Variants in TBKBP1 observed in about 807,000 individuals in gnomAD.
TBKBP1 encodes TANK-binding kinase 1-binding protein 1.
TBKBP1 carries 47 observed loss-of-function variants against 69.9 expected under a neutral mutation model. The ratio of observed to expected loss-of-function variants is 0.67; its 90% CI spans 0.53 to 0.86. The LOEUF (loss-of-function observed/expected upper bound fraction) is 0.86, where lower values mean the gene tolerates loss of function less well. Ranked by LOEUF, TBKBP1 falls within the 40% of genes least tolerant of loss-of-function variation. The pLI is 0.00. For synonymous variants in TBKBP1, 418 were observed against 390.3 expected, an observed-to-expected ratio of 1.07 and a Z score of -0.84; for missense variants, 831 against 858.6, an observed-to-expected ratio of 0.97 and a Z score of 0.40.
chr17:47,700,870 C>T (rs936739890), intron 7 of TBKBP1, among the ~76,000 whole-genome samples: 2 of 152,132 alleles, frequency 1.3e-5, no homozygotes, highest in Admixed American at 6.5e-5. Flanking sequence ...AGCAGCCACC[C>T]GGCAACAGTG....
At chr17:47,707,614 A>G (rs559347109) in intron 7 of TBKBP1, among the ~76,000 whole-genome samples, 1 of 152,330 alleles carries the variant, frequency 6.6e-6, no homozygotes, top group South Asian at 2.1e-4. Flanking sequence ...TGTGACTGGC[A>G]CTCACTGCAA....
chr17:47,696,899 C>A, intron 3 of TBKBP1, 66 bp downstream of exon 3: 1 of 1,588,276 alleles, frequency 6.3e-7, no homozygotes. Context: ...ATACCCTTCC[C>A]TCCACACCCC....
chr17:47,701,890 C>T (rs1466356724), intron 7 of TBKBP1, among the ~76,000 whole-genome samples: 1 of 152,214 alleles, frequency 6.6e-6, no homozygotes, highest in Non-Finnish European at 1.5e-5. Context: ...CACAGGCTTA[C>T]TGGAGGCCAC....
chr17:47,699,677 G>C lies in TBKBP1; in HGVS notation c.852G>C (p.Val284=). 6.2e-7 allele frequency: 1 copy of C among 1,614,020 alleles called. No individual in the cohort carries two copies. Among genetic ancestry groups the C allele is most frequent in the Non-Finnish European group, 8.5e-7 (1 of 1,179,884 alleles). ...SNQSERDMAW[V]KRVGDDQVNL... ...AGTCGGAGCGAGACATGGCGTGGGT[G>C]AAAAGAGTTGGGGATGATCAGTAAG... The change falls in exon 7 of 10, where the codon GTG becomes GTC. Residue 284 remains valine (V), a synonymous_variant. Transcript: ENST00000578982.
intron 7 of TBKBP1, 111 bp downstream of exon 7, chr17:47,699,808 G>T: frequency 3.3e-6 from 4 of 1,218,038 alleles, no homozygotes; most frequent in South Asian, 1.3e-5. Context: ...ATCCTTCATA[G>T]GAAGGAGGTG....
At chr17:47,695,080 G>A (rs917276097) in intron 1 of TBKBP1, among the ~76,000 whole-genome samples, 6 of 152,112 alleles carry the variant, frequency 3.9e-5, no homozygotes, top group Non-Finnish European at 5.9e-5. Flanking sequence ...CACGCGGCCC[G>A]GACGTGCCAC....
At position 47,708,642 on chromosome 17, in the gene TBKBP1, T is replaced by C. The variant is rs2031784109; in HGVS notation, c.992-83T>C. 1 of 1,419,472 alleles carries C rather than the reference T, an allele frequency of 7.0e-7. No homozygotes were observed. The highest frequency in any genetic ancestry group is 2.5e-5 in the East Asian group (1 of 40,188). 87.9% of individuals were successfully genotyped at this position (1,419,472 alleles called of 1,614,324 possible). ...GTGGCCTGGAGTTGGTGGGCATGGG[T>C]CCGGGCAAGCCCCTGGCGCTCCAGT... On this transcript the variant is annotated intron_variant, in intron 8 of 9. Coordinates refer to ENST00000578982, the MANE Select transcript of TBKBP1 (RefSeq NM_001394755.1). This position sits in a 1 kb window ranked among gnomAD's most constrained non-coding sequence, Gnocchi z 4.4.
rs886130225 is a variant in TBKBP1 at position 47,711,696 on chromosome 17, C to T, written c.*1070C>T. 2 of 152,616 alleles carry T rather than the reference C, an allele frequency of 1.3e-5. No homozygotes were observed. Among genetic ancestry groups the T allele is most frequent in the African/African-American group, 4.8e-5 (2 of 41,440 alleles). 9.5% of individuals were successfully genotyped at this position (152,616 alleles called of 1,614,324 possible). ...CGGGTAAGCAGGAGGCCAGGGGGTC[C>T]CCAGGGCTGAGGTGGGGAGCCTTCT... On this transcript the variant is annotated 3_prime_UTR_variant, in exon 10 of 10. Transcript: ENST00000578982.
At position 47,699,457 on chromosome 17, in the gene TBKBP1, C is replaced by CAGCG; in HGVS notation, c.774_775insCGAG (p.Gly259ArgfsTer33). The CAGCG allele has an allele frequency of 1.3e-6, 2 of 1,572,396 alleles. No individual in the cohort carries two copies. The highest frequency in any genetic ancestry group is 1.7e-6 in the Non-Finnish European group (2 of 1,160,234). On this transcript the variant is annotated frameshift_variant, in exon 6 of 10. Coordinates refer to ENST00000578982, the MANE Select transcript of TBKBP1 (RefSeq NM_001394755.1). LOFTEE classifies it high-confidence loss of function. ...GCTCCAGGCCGAGTGCGAGCGGCTG[C>CAGCG]AGGGGGAGCTGAAGCAGCTGCAGGA...
chr17:47,699,169 T>A, intron 5 of TBKBP1, 151 bp from the exon 6 acceptor site: 1 of 845,738 alleles, frequency 1.2e-6, no homozygotes, highest in South Asian at 3.2e-5. Flanking sequence ...AGCCCATCTT[T>A]CCTCGCTGCC....
intron 5 of TBKBP1, 140 bp from the exon 6 acceptor site, chr17:47,699,180 C>A: frequency 1.1e-6 from 1 of 943,328 alleles, no homozygotes; most frequent in Non-Finnish European, 1.4e-6. Flanking sequence ...CCTCGCTGCC[C>A]TTGTCGCAGT....
chr17:47,698,195 G>T (rs930106656), intron 4 of TBKBP1, among the ~76,000 whole-genome samples: 9 of 152,154 alleles, frequency 5.9e-5, no homozygotes, highest in Admixed American at 5.9e-4. Context: ...GCATACACTA[G>T]CTCATTTTAA....
At position 47,698,871 on chromosome 17, in the gene TBKBP1, A is replaced by G; in HGVS notation, c.634+96A>G. ...ACTTACTTACCATCCCATTTGTAAT[A>G]TAATCTATTTCTCCATAATCATCCC... is the stretch of plus-strand genomic sequence containing the variant. On this transcript the variant is annotated intron_variant, in intron 5 of 9. Transcript: ENST00000578982. 2.5e-6 allele frequency: 3 copies of G among 1,184,330 alleles called. No homozygotes were observed. The South Asian group carries it at 4.9e-5, about 19-fold the overall frequency. 73.4% of individuals were successfully genotyped at this position (1,184,330 alleles called of 1,614,324 possible).
intron 7 of TBKBP1, among the ~76,000 whole-genome samples, chr17:47,706,207 A>T (rs1316808316): frequency 6.6e-6 from 1 of 151,938 alleles, no homozygotes; most frequent in Non-Finnish European, 1.5e-5. Context: ...AGAGGACCAC[A>T]CTCTGTCTGT....
rs771964930 is a variant in TBKBP1 at position 47,708,804 on chromosome 17, TCCCCCGTGC to T, written c.1082_1090del (p.Pro361_Cys363del). 221 of 662,330 alleles carry T rather than the reference TCCCCCGTGC, an allele frequency of 3.3e-4. 1 individual carries two copies. The African/African-American group carries it at 5.4e-3, about 16-fold the overall frequency. 41.0% of individuals were successfully genotyped at this position (662,330 alleles called of 1,614,324 possible). On this transcript the variant is annotated inframe_deletion, in exon 9 of 10. Coordinates refer to ENST00000578982, the MANE Select transcript of TBKBP1 (RefSeq NM_001394755.1). This position sits in a 1 kb window ranked among gnomAD's most constrained non-coding sequence, Gnocchi z 4.4. ...CCCCCTCCCCGCCTGCCCGAGCGGCTCCCCCGTGCCCCCCGTGCCAGTCCCCCGTCCCCC... is the reference window on the plus strand; with the variant it reads ...CCCCCTCCCCGCCTGCCCGAGCGGCTCCCCCGTGCCAGTCCCCCGTCCCCC...
At chr17:47,706,895 G>T (rs75059169) in intron 7 of TBKBP1, among the ~76,000 whole-genome samples, 1 of 145,782 alleles carries the variant, frequency 6.9e-6, no homozygotes, top group African/African-American at 2.6e-5. Context: ...GCTCATTCAC[G>T]CCTTTCCTCA....
At chr17:47,694,450 T>C (rs62074054) in intron 1 of TBKBP1, among the ~76,000 whole-genome samples, 95,236 of 150,478 alleles carry the variant, frequency 0.63, 30,801 homozygotes, top group African/African-American at 0.77. Flanking sequence ...GCTCGGCCGG[T>C]TGTGGGGGAG....
At chr17:47,696,410 C>A in intron 2 of TBKBP1, 73 bp downstream of exon 2, 1 of 1,509,304 alleles carries the variant, frequency 6.6e-7, no homozygotes, top group Non-Finnish European at 9.0e-7. Flanking sequence ...CTGGTAGATA[C>A]CAGGGATCCA....
In TBKBP1 at chr17:47,709,422, C is replaced by G; in HGVS notation, c.1689C>G (p.Ala563=). The G allele has an allele frequency of 6.5e-7, 1 of 1,542,178 alleles. No individual in the cohort carries two copies. Among genetic ancestry groups the G allele is most frequent in the Non-Finnish European group, 8.7e-7 (1 of 1,152,634 alleles). The change falls in exon 9 of 10, where the codon GCC becomes GCG. Residue 563 remains alanine, a synonymous_variant. Transcript: ENST00000578982. ...ESPAATAYAH[A]EHAQSWPSIN... is the part of the protein sequence containing the mutation. The stretch of plus-strand genomic sequence containing the variant: ...CCGCCGCCACCGCCTACGCCCACGC[C>G]GAGCACGCGCAGTCCTGGCCGTCCA...
Sources: allele counts gnomAD v4.1 joint callset (sites outside exome capture counted in the v4.1 genomes callset), GRCh38; gene constraint gnomAD v4.1.1; non-coding constraint Gnocchi (gnomAD v3.1); transcripts MANE v1.5; gene names NCBI Gene and HGNC (gene_info 2026-07-23, HGNC 2026-07-21).